Variants in SH3KBP1 observed in about 807,000 individuals in gnomAD.
SH3KBP1 encodes the protein SH3 domain-containing kinase-binding protein 1.
In SH3KBP1, 8 loss-of-function variants were observed where a neutral mutation model predicts 50.1. That is an observed-to-expected ratio of 0.16 (90% confidence interval 0.09 to 0.29). The LOEUF (loss-of-function observed/expected upper bound fraction) is 0.29, where lower values mean the gene tolerates loss of function less well. SH3KBP1 is among the 10% of genes least tolerant of loss of function. The pLI is 1.00. For synonymous variants in SH3KBP1, 227 were observed against 218.6 expected, an observed-to-expected ratio of 1.04 and a Z score of -0.34; for missense variants, 377 against 535.2, an observed-to-expected ratio of 0.70 and a Z score of 2.92.
chrX:19,601,753 G>A (rs2067097257), intron 9 of SH3KBP1: 1 of 110,838 alleles, frequency 9.0e-6, no homozygotes, highest in African/African-American at 3.3e-5. Context: ...CCTGCCCCTA[G>A]AGGAACAGCC....
chrX:19,647,348 T>C (rs1037359580), intron 6 of SH3KBP1, among the ~76,000 whole-genome samples: 3 of 110,613 alleles, frequency 2.7e-5, no homozygotes, highest in African/African-American at 6.6e-5. Flanking sequence ...CTTCAACAGG[T>C]TGCACATTTT....
At chrX:19,836,923 T>G (rs2068075891) in intron 1 of SH3KBP1, among the ~76,000 whole-genome samples, 1 of 111,911 alleles carries the variant, frequency 8.9e-6, no homozygotes, top group Non-Finnish European at 1.9e-5. Flanking sequence ...CCCCTTTTGT[T>G]TGGCATTTCT....
At chrX:19,608,499 G>C (rs2148114767) in intron 8 of SH3KBP1, among the ~76,000 whole-genome samples, 1 of 109,473 alleles carries the variant, frequency 9.1e-6, no homozygotes, top group South Asian at 3.9e-4. Context: ...AGTAGAGACG[G>C]GGTTTCACCA....
intron 3 of SH3KBP1, among the ~76,000 whole-genome samples, chrX:19,738,346 A>C (rs181527589): frequency 1.8e-5 from 2 of 111,079 alleles, no homozygotes; most frequent in East Asian, 5.7e-4. Flanking sequence ...ACACACTGAG[A>C]AATGCTGGGC....
At chrX:19,815,361 T>C (rs2067321877) in intron 2 of SH3KBP1, among the ~76,000 whole-genome samples, 1 of 110,999 alleles carries the variant, frequency 9.0e-6, no homozygotes, top group Admixed American at 9.6e-5. Context: ...ACAAAAACGG[T>C]GCATGGAGTC....
Position 19,608,042 on chromosome X carries a change from A to G in SH3KBP1, c.901T>C (p.Cys301Arg). 8.3e-7 allele frequency: 1 copy of G among 1,206,878 alleles called. No homozygotes were observed. The highest frequency in any genetic ancestry group is 1.8e-5 in the South Asian group (1 of 56,481). ...GDIVTLINKD[C>R]IDVGWWEGEL... ...CCTTCCCACCAGCCTACGTCGATGCAGTCCTAGAAAACAGGAGAACAGAGA... is the reference window on the plus strand; with the variant it reads ...CCTTCCCACCAGCCTACGTCGATGCGGTCCTAGAAAACAGGAGAACAGAGA... The change falls in exon 9 of 18, where the codon TGC becomes CGC. Residue 301 changes from cysteine to arginine, a missense_variant. Cys to Arg is a radical substitution (Grantham distance 180). Transcript: ENST00000397821.
At chrX:19,837,199 C>T (rs760098509) in intron 1 of SH3KBP1, among the ~76,000 whole-genome samples, 9 of 111,991 alleles carry the variant, frequency 8.0e-5, no homozygotes, top group South Asian at 3.7e-4. Context: ...TGTCTCAGAC[C>T]GCCTACATCA....
intron 3 of SH3KBP1, among the ~76,000 whole-genome samples, chrX:19,726,752 T>C (rs2064233690): frequency 8.9e-6 from 1 of 112,256 alleles, no homozygotes; most frequent in Non-Finnish European, 1.9e-5. Context: ...TTTTATCTTA[T>C]TCTTCCATCC....
intron 2 of SH3KBP1, chrX:19,747,585 C>T (rs1466091987): frequency 3.0e-6 from 1 of 338,983 alleles, no homozygotes; most frequent in African/African-American, 2.7e-5. Context: ...AGGGCAGAGG[C>T]AGAAAGAAAG....
chrX:19,836,910 T>C (rs1256103839), intron 1 of SH3KBP1, among the ~76,000 whole-genome samples: 1 of 111,734 alleles, frequency 8.9e-6, no homozygotes, highest in Non-Finnish European at 1.9e-5. Flanking sequence ...TAAGGGACTT[T>C]TCCCCCTTTT....
intron 2 of SH3KBP1, among the ~76,000 whole-genome samples, chrX:19,785,460 G>A (rs903546973): frequency 3.6e-5 from 4 of 110,563 alleles, no homozygotes; most frequent in Admixed American, 1.9e-4. Flanking sequence ...CCAGAGAGGC[G>A]GAGATTGCAG....
chrX:19,874,068 A>AAAAAAAAAAAAAAAT (rs1491537486), intron 1 of SH3KBP1, among the ~76,000 whole-genome samples: 11 of 57,031 alleles, frequency 1.9e-4, no homozygotes, highest in African/African-American at 1.7e-3. Flanking sequence ...AAAAAAAAAA[A>AAAAAAAAAAAAAAAT]ATATATATAT....
intron 3 of SH3KBP1, among the ~76,000 whole-genome samples, chrX:19,716,301 C>G (rs2063907157): frequency 8.9e-6 from 1 of 111,957 alleles, no homozygotes; most frequent in Non-Finnish European, 1.9e-5. Flanking sequence ...CTTTACAAAC[C>G]CCTCTTGGCT....
chrX:19,725,828 A>G (rs766830930), intron 3 of SH3KBP1, among the ~76,000 whole-genome samples: 49 of 112,506 alleles, frequency 4.4e-4, no homozygotes, highest in Middle Eastern at 4.6e-3. Context: ...AGGGCACAGA[A>G]AAGAAACCTG....
At chrX:19,609,069 A>C (rs1171868106) in intron 8 of SH3KBP1, among the ~76,000 whole-genome samples, 1 of 112,882 alleles carries the variant, frequency 8.9e-6, no homozygotes, top group Non-Finnish European at 1.9e-5. Flanking sequence ...CAACGAGCAA[A>C]AATGGCAAGA....
intron 2 of SH3KBP1, among the ~76,000 whole-genome samples, chrX:19,805,901 G>A (rs1298459550): frequency 8.9e-6 from 1 of 111,944 alleles, no homozygotes; most frequent in African/African-American, 3.3e-5. Context: ...TATGCACACA[G>A]TGGGTGCTCA....
At chrX:19,555,361 C>G (rs960536522) in intron 13 of SH3KBP1, among the ~76,000 whole-genome samples, 1 of 111,611 alleles carries the variant, frequency 9.0e-6, no homozygotes, top group Non-Finnish European at 1.9e-5. Flanking sequence ...ACTTCAGTCA[C>G]ACTCTATTTG....
intron 2 of SH3KBP1, among the ~76,000 whole-genome samples, chrX:19,822,244 G>A (rs772329213): frequency 9.8e-5 from 11 of 112,028 alleles, no homozygotes; most frequent in East Asian, 8.3e-4. Context: ...TCATCATTTC[G>A]TTCAATATTG....
intron 2 of SH3KBP1, among the ~76,000 whole-genome samples, chrX:19,807,421 G>A (rs1433871271): frequency 9.0e-6 from 1 of 111,018 alleles, no homozygotes; most frequent in Non-Finnish European, 1.9e-5. Flanking sequence ...CACGCCTCTG[G>A]GCAATTATGC....
Sources: gnomAD v4.1 joint callset for allele counts (sites outside exome capture counted in the v4.1 genomes callset) on GRCh38, gnomAD v4.1.1 for gene constraint, MANE v1.5 for transcripts, NCBI Gene and HGNC (gene_info 2026-07-23, HGNC 2026-07-21) for gene names.